ATM: variants seen among roughly 807,000 people sequenced by gnomAD.
ATM encodes the protein ATM serine/threonine kinase.
Under a neutral mutation model 387.0 loss-of-function variants are expected in ATM, and 308 were observed. The observed-to-expected ratio is 0.80, with a 90% CI of 0.73 to 0.87. The LOEUF is 0.87. Among genes scored for constraint, ATM ranks in the 40% least tolerant of loss-of-function variants. The probability of loss-of-function intolerance (pLI) is 0.00; values close to 1 mark genes in which losing one functional copy is unlikely to be tolerated. For missense variants in ATM, 3,312 were observed against 3,560.9 expected, an observed-to-expected ratio of 0.93 and a Z score of 1.78; for synonymous variants, 1,156 against 1,187.3, an observed-to-expected ratio of 0.97 and a Z score of 0.54.
chr11:108,305,926 A>C (rs2083668387), intron 37 of ATM, among the ~76,000 whole-genome samples: 1 of 152,204 alleles, frequency 6.6e-6, no homozygotes, highest in Non-Finnish European at 1.5e-5. Flanking sequence ...AGCTAGGTGC[A>C]AATTCACTTG....
intron 49 of ATM, 96 bp downstream of exon 49, chr11:108,329,334 T>A: frequency 1.8e-6 from 2 of 1,135,692 alleles, no homozygotes; most frequent in Middle Eastern, 2.7e-4. Context: ...TTATCTGATA[T>A]AGTTTTGAGC....
rs1591757542 is a variant in ATM, at chr11:108,312,268, T to C, written c.5919-143T>C. On this transcript the variant is annotated intron_variant, in intron 39 of 62. Coordinates refer to ENST00000675843, the MANE Select transcript of ATM (RefSeq NM_000051.4). ...CCTTTTCCATCCTAGGTATAAATGG[T>C]ATTATGTTTTAAAGTATAAGTGATT... The C allele has an allele frequency of 2.1e-5, 14 of 653,888 alleles. No individual in the cohort carries two copies. In the East Asian group the frequency reaches 3.8e-4, roughly 18 times the overall value. The allele number at this position is 653,888 out of a possible 1,614,324, so 40.5% of individuals were successfully genotyped here. A position where few individuals can be genotyped will look rare whatever the true frequency, so the allele number is the denominator to read the frequency against.
chr11:108,287,642 G>A lies in ATM; in HGVS notation c.4036G>A (p.Glu1346Lys). 1 of 1,613,692 alleles carries A rather than the reference G, an allele frequency of 6.2e-7. No homozygotes were observed. The highest frequency in any genetic ancestry group is 1.1e-5 in the South Asian group (1 of 91,050). ...FISNLPEIVV[E>K]LLMTLHEPAN... ...TAGTAATTTACCAGAGATTGTGGTG[G>A]AGTTATTGATGACGTTACATGAGCC... The change falls in exon 27 of 63, where the codon GAG (glutamate) becomes AAG (lysine). Residue 1346 changes from glutamate to lysine, a missense_variant. By Grantham distance (56) the Glu-to-Lys change is moderately conservative. This residue lies in a region of ATM where 1,791 missense variants were observed against 1,804.5 expected (regional missense o/e 0.99). Coordinates refer to ENST00000675843, the MANE Select transcript of ATM (RefSeq NM_000051.4).
intron 22 of ATM, among the ~76,000 whole-genome samples, chr11:108,273,863 G>A (rs1455238107): frequency 6.6e-6 from 1 of 152,144 alleles, no homozygotes; most frequent in Non-Finnish European, 1.5e-5. Context: ...CCAGGTTTTG[G>A]AATCAGGATG....
At position 108,304,735 on chromosome 11, in the gene ATM, G is replaced by T; in HGVS notation, c.5557G>T (p.Asp1853Tyr). The T allele has an allele frequency of 2.5e-6, 4 of 1,613,840 alleles. No homozygotes were observed. The highest frequency in any genetic ancestry group is 2.5e-6 in the Non-Finnish European group (3 of 1,179,904). The change falls in exon 37 of 63, where the codon GAT (aspartate) becomes TAT (tyrosine). Residue 1853 changes from aspartate (D) to tyrosine (Y), a missense_variant. Around this residue, in one of 4 missense-constraint regions of ATM, gnomAD observed 1,405 missense variants for 1,604.4 expected, o/e 0.88. Transcript: ENST00000675843. The stretch of plus-strand genomic sequence containing the variant: ...CTTGATTCATGATATTTTACTCCAA[G>T]ATACAAATGAATCATGGAGAAATCT... ...PYLIHDILLQ[D>Y]TNESWRNLLS... is the part of the protein sequence containing the mutation.
intron 22 of ATM, among the ~76,000 whole-genome samples, chr11:108,273,458 C>A (rs183092012): frequency 6.7e-6 from 1 of 150,126 alleles, no homozygotes; most frequent in Non-Finnish European, 1.5e-5. Flanking sequence ...TCTCCTGCCT[C>A]ATCCTCCTGA....
intron 60 of ATM, 41 bp from the exon 61 acceptor site, chr11:108,354,770 G>T (rs755010158): frequency 6.6e-7 from 1 of 1,520,568 alleles, no homozygotes; most frequent in South Asian, 1.1e-5. Flanking sequence ...GACAACATTG[G>T]TGTGTAACAA....
chr11:108,239,685 T>C (rs1043529178), intron 5 of ATM, among the ~76,000 whole-genome samples: 4 of 152,180 alleles, frequency 2.6e-5, no homozygotes, highest in African/African-American at 9.7e-5. Flanking sequence ...CATGTGGTAA[T>C]TCTATATTTA....
rs1057522992 is a variant in ATM at position 108,315,917 on chromosome 11, T to C, written c.6095+6T>C. 20 of 1,610,508 alleles carry C rather than the reference T, an allele frequency of 1.2e-5. No individual in the cohort carries two copies. Among genetic ancestry groups the C allele is most frequent in the African/African-American group, 2.7e-5 (2 of 74,958 alleles). Reference sequence around the variant, plus strand: ...ATGTTACAACCCATTACTAGGTAAATTGCATTTTTCTAAACAACGGTATAG... The same window carrying C: ...ATGTTACAACCCATTACTAGGTAAACTGCATTTTTCTAAACAACGGTATAG... On this transcript the variant is annotated splice_donor_region_variant and intron_variant, in intron 41 of 62. Transcript: ENST00000675843.
intron 22 of ATM, among the ~76,000 whole-genome samples, chr11:108,275,759 T>A (rs1179662138): frequency 1.3e-5 from 2 of 152,224 alleles, no homozygotes; most frequent in Admixed American, 6.5e-5. Context: ...CTTCCCTTTG[T>A]GGGTAACCCG....
Position 108,333,973 on chromosome 11 carries a change from T to C in ATM, c.8010+5T>C, listed in dbSNP as rs56256497. 6.3e-7 allele frequency: 1 copy of C among 1,593,646 alleles called. No homozygotes were observed. The highest frequency in any genetic ancestry group is 8.6e-7 in the Non-Finnish European group (1 of 1,162,008). ...GTCCCTACTATGGAAATTAAGGTAATTTGCAATTAACTCTTGATTTTTTTT... is the reference window on the plus strand; with the variant it reads ...GTCCCTACTATGGAAATTAAGGTAACTTGCAATTAACTCTTGATTTTTTTT... On this transcript the variant is annotated splice_donor_5th_base_variant and intron_variant, in intron 54 of 62. Coordinates refer to ENST00000675843, the MANE Select transcript of ATM (RefSeq NM_000051.4).
At chr11:108,286,348 A>G (rs1266374406) in intron 26 of ATM, among the ~76,000 whole-genome samples, 1 of 151,746 alleles carries the variant, frequency 6.6e-6, no homozygotes, top group Non-Finnish European at 1.5e-5. Context: ...AGAATTGTAT[A>G]AAACACACAA....
At chr11:108,299,592 C>T (rs900828524) in intron 33 of ATM, 122 bp from the exon 34 acceptor site, 4 of 1,018,588 alleles carry the variant, frequency 3.9e-6, no homozygotes, top group African/African-American at 3.2e-5. Context: ...CCACCGCACT[C>T]GGCCTTAAGG....
chr11:108,363,431 T>TAA (rs2091019730), intron 61 of ATM, among the ~76,000 whole-genome samples: 1 of 152,232 alleles, frequency 6.6e-6, no homozygotes, highest in Non-Finnish European at 1.5e-5. Context: ...TTATGTGTTA[T>TAA]GCTAAGGAAA....
At chr11:108,235,473 T>G (rs960776524) in intron 4 of ATM, among the ~76,000 whole-genome samples, 197 bp from the exon 5 acceptor site, 1 of 152,110 alleles carries the variant, frequency 6.6e-6, no homozygotes, top group African/African-American at 2.4e-5. Flanking sequence ...TGGTTGTGAC[T>G]ATGTTCCAAT....
At chr11:108,360,530 T>C (rs1372908707) in intron 61 of ATM, among the ~76,000 whole-genome samples, 2 of 135,238 alleles carry the variant, frequency 1.5e-5, no homozygotes, top group East Asian at 4.2e-4. Context: ...TGATGAACAT[T>C]GATGCAAAAA....
At chr11:108,227,983 T>C in intron 3 of ATM, 95 bp downstream of exon 3, 1 of 1,067,562 alleles carries the variant, frequency 9.4e-7, no homozygotes, top group Non-Finnish European at 1.4e-6. Context: ...TTAACATTTA[T>C]CTTTGCTTCC....
At chr11:108,239,328 T>G (rs1456900077) in intron 5 of ATM, among the ~76,000 whole-genome samples, 2 of 152,220 alleles carry the variant, frequency 1.3e-5, no homozygotes, top group Non-Finnish European at 2.9e-5. Flanking sequence ...AATAAATTTC[T>G]GTGGTTTCTA....
At chr11:108,296,268 T>G (rs1386441464) in intron 32 of ATM, among the ~76,000 whole-genome samples, 1 of 152,006 alleles carries the variant, frequency 6.6e-6, no homozygotes, top group Non-Finnish European at 1.5e-5. Flanking sequence ...TTTTTTTTTT[T>G]GAAACGAAGT....
Sources: gnomAD v4.1 joint callset for allele counts (sites outside exome capture counted in the v4.1 genomes callset) on GRCh38, gnomAD v4.1.1 for gene constraint, gnomAD v4.1.1 regional missense constraint, MANE v1.5 for transcripts, NCBI Gene and HGNC (gene_info 2026-07-23, HGNC 2026-07-21) for gene names.